A4GALT: variants seen among roughly 807,000 people sequenced by gnomAD.
A4GALT encodes lactosylceramide 4-alpha-galactosyltransferase.
For synonymous variants in A4GALT, 257 were observed against 220.7 expected (o/e 1.16, Z -1.46); for missense variants, 512 against 486.0 (o/e 1.05, Z -0.50).
intron 1 of A4GALT, among the ~76,000 whole-genome samples, chr22:42,706,579 G>C (rs982924101): frequency 9.9e-5 from 15 of 151,910 alleles, no homozygotes; most frequent in African/African-American, 3.6e-4. Context: ...TGGATCACCT[G>C]AGGTCAGGAG....
At chr22:42,703,619 G>T (rs12167417) in intron 1 of A4GALT, among the ~76,000 whole-genome samples, 1 of 152,114 alleles carries the variant, frequency 6.6e-6, no homozygotes, top group Non-Finnish European at 1.5e-5. Context: ...GGCCCACTCA[G>T]CAGTGATGTC....
rs1202845817 is a variant in A4GALT at position 42,692,810 on chromosome 22, G to A, written c.*80C>T. 5.2e-6 allele frequency: 8 copies of A among 1,550,082 alleles called. No individual in the cohort carries two copies. The Admixed American group carries it at 8.5e-5, about 16-fold the overall frequency. On this transcript the variant is annotated 3_prime_UTR_variant, in exon 3 of 3. Transcript: ENST00000642412. This position sits in a 1 kb window ranked among gnomAD's most constrained non-coding sequence, Gnocchi z 4.6. ...TGGCAGCTCGGGCCTCCCTCTCCCG[G>A]GCCCTCAATCTTGCCTCCCCGGGAA...
chr22:42,719,759 G>A (rs140956432), intron 1 of A4GALT, among the ~76,000 whole-genome samples: 176 of 152,258 alleles, frequency 1.2e-3, no homozygotes, highest in African/African-American at 4.1e-3. Context: ...AGCTGGTGGC[G>A]GGAACGGGAA....
chr22:42,704,547 G>C (rs2146998165), intron 1 of A4GALT, among the ~76,000 whole-genome samples: 1 of 151,374 alleles, frequency 6.6e-6, no homozygotes, highest in South Asian at 2.1e-4. Context: ...AGGGCTGTTT[G>C]TAAGAAGGGC....
At chr22:42,718,151 T>A (rs1021497300) in intron 1 of A4GALT, 1 of 152,222 alleles carries the variant, frequency 6.6e-6, no homozygotes, top group Non-Finnish European at 1.5e-5. Context: ...ATGCAAGCAT[T>A]GAAAAATATA....
At chr22:42,707,649 CTCTT>C (rs1172271179) in intron 1 of A4GALT, among the ~76,000 whole-genome samples, 1 of 152,080 alleles carries the variant, frequency 6.6e-6, no homozygotes, top group East Asian at 1.9e-4. Context: ...GAGTGAGAGA[CTCTT>C]TCTCAAAATA....
rs28915381 is a variant in A4GALT, at chr22:42,693,652, C to T, written c.300G>A (p.Ser100=). The T allele has an allele frequency of 1.9e-6, 3 of 1,612,152 alleles. No homozygotes were observed. Among genetic ancestry groups the T allele is most frequent in the East Asian group, 2.2e-5 (1 of 44,798 alleles). ...PNFLFMCSVE[S]AARTHPESHV... The stretch of plus-strand genomic sequence containing the variant: ...GGGATTCGGGGTGAGTTCTGGCGGC[C>T]GACTCCACCGAGCACATGAACAGGA... Residue 100 remains serine, a synonymous_variant, in exon 3 of 3, where the codon TCG becomes TCA. Transcript: ENST00000642412.
chr22:42,720,810 G>GGCGGCGGGCGGCGGACAGCGGGGCC lies in A4GALT; in HGVS notation c.-226_-202dup, dbSNP rs1922663481. ...GGCCCCTCGTACCTCTAGCTCCAGC[G>GGCGGCGGGCGGCGGACAGCGGGGCC]GCGGCGGGCGGCGGACAGCGGGGCC... On this transcript the variant is annotated 5_prime_UTR_variant, in exon 1 of 3. Coordinates refer to ENST00000642412, the MANE Select transcript of A4GALT (RefSeq NM_017436.7). 7.1e-6 allele frequency: 1 copy of GGCGGCGGGCGGCGGACAGCGGGGCC among 141,320 alleles called. No homozygotes were observed. The highest frequency in any genetic ancestry group is 1.6e-5 in the Non-Finnish European group (1 of 61,880). The allele number at this position is 141,320 out of a possible 1,614,324, so 8.8% of individuals were successfully genotyped here.
chr22:42,713,181 C>G (rs545727524), intron 1 of A4GALT, among the ~76,000 whole-genome samples: 1 of 152,338 alleles, frequency 6.6e-6, no homozygotes, highest in African/African-American at 2.4e-5. Flanking sequence ...CACCTCTGTC[C>G]ATTCCATCAG....
chr22:42,705,598 CAAAAA>C lies in A4GALT; in HGVS notation c.-187-9972_-187-9968del, dbSNP rs68144596. Among the ~76,000 whole-genome samples, 14 of 72,128 alleles carry C rather than the reference CAAAAA, an allele frequency of 1.9e-4. 3 individuals are homozygous for C. The highest frequency in any genetic ancestry group is 5.6e-4 in the African/African-American group (14 of 25,024). The allele number at this position is 72,128 out of a possible 152,430, so 47.3% of individuals were successfully genotyped here. A position where few individuals can be genotyped will look rare whatever the true frequency, so the allele number is the denominator to read the frequency against. ...AGCCTGGGCGACAGAGATTCTGTCT[CAAAAA>C]AAAAAAAAAGAAAAAGAAAAAGAAA... On this transcript the variant is annotated intron_variant, in intron 1 of 2. Coordinates refer to ENST00000642412, the MANE Select transcript of A4GALT (RefSeq NM_017436.7).
intron 1 of A4GALT, among the ~76,000 whole-genome samples, chr22:42,702,873 C>T (rs76469430): frequency 0.025 from 3,638 of 143,922 alleles, 988 homozygotes; most frequent in African/African-American, 0.1. Context: ...CTTAGCTCAG[C>T]CTGACCCCCA....
In A4GALT at chr22:42,692,701, C is replaced by T. The variant is rs559332336; in HGVS notation, c.*189G>A. The T allele has an allele frequency of 4.0e-6, 3 of 747,134 alleles. No homozygotes were observed. Among genetic ancestry groups the T allele is most frequent in the African/African-American group, 1.7e-5 (1 of 58,176 alleles). 46.3% of individuals were successfully genotyped at this position (747,134 alleles called of 1,614,324 possible). ...ATGGCACCATGTGTCAGCCCTGCCT[C>T]GAGACAGGACACTGTCCTCGGGGTG... On this transcript the variant is annotated 3_prime_UTR_variant, in exon 3 of 3. Coordinates refer to ENST00000642412, the MANE Select transcript of A4GALT (RefSeq NM_017436.7). The surrounding 1 kb of genome is among the most constrained non-coding windows in gnomAD (Gnocchi z 4.6).
At position 42,693,740 on chromosome 22, in the gene A4GALT, G is replaced by A; in HGVS notation, c.212C>T (p.Ser71Phe). The A allele has an allele frequency of 6.2e-7, 1 of 1,604,808 alleles. No individual in the cohort carries two copies. Among genetic ancestry groups the A allele is most frequent in the South Asian group, 1.1e-5 (1 of 90,858 alleles). The change falls in exon 3 of 3, where the codon TCC becomes TTC. Residue 71 changes from serine to phenylalanine, a missense_variant. Physicochemically the swap from Ser to Phe is radical, Grantham distance 155 (BLOSUM62 -2). Transcript: ENST00000642412. ...GATGTTGCCTGGAGTGGGGCCGTGG[G>A]AGGGTGGGGTGGGGGGTGTCAAGGT... ...CPTLTPPTPP[S>F]HGPTPGNIFF...
chr22:42,693,244 G>C lies in A4GALT; in HGVS notation c.708C>G (p.Asp236Glu). Reference sequence around the variant, plus strand: ...TCCAGCCGTTGTAGTGGTCCACGAAGTCCCGCATGCACAGCGCCATGAACT... The same window carrying C: ...TCCAGCCGTTGTAGTGGTCCACGAACTCCCGCATGCACAGCGCCATGAACT... ...RHEFMALCMR[D>E]FVDHYNGWIW... The change falls in exon 3 of 3, where the codon GAC becomes GAG. Residue 236 changes from aspartate (D) to glutamate (E), a missense_variant. By Grantham distance (45) the Asp-to-Glu change is conservative (BLOSUM62 2). Coordinates refer to ENST00000642412, the MANE Select transcript of A4GALT (RefSeq NM_017436.7). 6.2e-7 allele frequency: 1 copy of C among 1,611,822 alleles called. No homozygotes were observed. Among genetic ancestry groups the C allele is most frequent in the Non-Finnish European group, 8.5e-7 (1 of 1,179,516 alleles).
intron 1 of A4GALT, among the ~76,000 whole-genome samples, chr22:42,709,698 G>A (rs185470616): frequency 5.9e-5 from 9 of 152,192 alleles, no homozygotes; most frequent in East Asian, 1.9e-4. Context: ...GCTGAGATAC[G>A]AGAATCGCTT....
chr22:42,699,985 C>T (rs1399977031), intron 1 of A4GALT, among the ~76,000 whole-genome samples: 1 of 152,178 alleles, frequency 6.6e-6, no homozygotes, highest in Non-Finnish European at 1.5e-5. Flanking sequence ...CTTATTTCAT[C>T]TTCTCATCGA....
In A4GALT at chr22:42,706,165, C is replaced by T. The variant is rs1399573916; in HGVS notation, c.-187-10534G>A. 1.3e-4 allele frequency among the ~76,000 whole-genome samples: 16 copies of T among 124,796 alleles called. 5 individuals carry two copies. Among genetic ancestry groups the T allele is most frequent in the Non-Finnish European group, 2.2e-4 (12 of 55,196 alleles). 81.9% of individuals were successfully genotyped at this position (124,796 alleles called of 152,430 possible). On this transcript the variant is annotated intron_variant, in intron 1 of 2. Coordinates refer to ENST00000642412, the MANE Select transcript of A4GALT (RefSeq NM_017436.7). Reference sequence around the variant, plus strand: ...GGTCAGGAGATCGAGACCATCCTGGCTAACACGGTGAAACCCCGTCTCTAC... The same window carrying T: ...GGTCAGGAGATCGAGACCATCCTGGTTAACACGGTGAAACCCCGTCTCTAC...
rs1309061254 is a variant in A4GALT at position 42,692,384 on chromosome 22, C to A, written c.*506G>T. On this transcript the variant is annotated 3_prime_UTR_variant, in exon 3 of 3. Transcript: ENST00000642412. This position sits in a 1 kb window ranked among gnomAD's most constrained non-coding sequence, Gnocchi z 4.6. ...GCCCCACTCAGTCCCTGTTGACCTC[C>A]CCCACCCCCCGCGAAAGAGGAACCA... 1.5e-5 allele frequency: 5 copies of A among 329,762 alleles called. No homozygotes were observed. The allele number at this position is 329,762 out of a possible 1,614,324, so 20.4% of individuals were successfully genotyped here.
intron 1 of A4GALT, among the ~76,000 whole-genome samples, chr22:42,703,196 G>A (rs916981200): frequency 1.3e-5 from 2 of 150,878 alleles, no homozygotes; most frequent in Non-Finnish European, 2.9e-5. Context: ...CCCAGCCTAG[G>A]GCTCAACCAC....
Sources: allele counts gnomAD v4.1 joint callset (sites outside exome capture counted in the v4.1 genomes callset), GRCh38; gene constraint gnomAD v4.1.1; non-coding constraint Gnocchi (gnomAD v3.1); transcripts MANE v1.5; gene names NCBI Gene and HGNC (gene_info 2026-07-23, HGNC 2026-07-21).